Variants in CATSPERT observed in about 807,000 individuals in gnomAD.
CATSPERT encodes catsper channel auxiliary subunit tau.
chr2:201,608,808 T>A, the CATSPERT span, among the ~76,000 whole-genome samples: 2 of 130,356 alleles, frequency 1.5e-5, no homozygotes, highest in African/African-American at 2.9e-5. Flanking sequence ...CAGAGTAAGA[T>A]CCTGTCTCAA....
chr2:201,487,491 C>T, the CATSPERT span: 1 of 950,750 alleles, frequency 1.1e-6, no homozygotes, highest in Non-Finnish European at 1.5e-6. Flanking sequence ...TGACTTCTGT[C>T]ACACAAAAGA....
chr2:201,535,347 G>A, the CATSPERT span: 1 of 980,128 alleles, frequency 1.0e-6, no homozygotes, highest in Non-Finnish European at 1.2e-6. Flanking sequence ...TGAACTACCT[G>A]TAATAGTTAT....
chr2:201,613,703 T>A, the CATSPERT span, among the ~76,000 whole-genome samples: 1 of 152,168 alleles, frequency 6.6e-6, no homozygotes, highest in Non-Finnish European at 1.5e-5. Flanking sequence ...GGACAGAGAA[T>A]GAATTTGACG....
the CATSPERT span, chr2:201,619,123 G>A: frequency 6.2e-7 from 1 of 1,614,160 alleles, no homozygotes; most frequent in Non-Finnish European, 8.5e-7. Context: ...CTCTTGGGGT[G>A]GCTCCATCTC....
At chr2:201,494,553 A>G in the CATSPERT span, 6 of 1,536,942 alleles carry the variant, frequency 3.9e-6, no homozygotes, top group East Asian at 1.5e-4. Flanking sequence ...TTGTGAAGAT[A>G]TTAGGGTCAT....
the CATSPERT span, among the ~76,000 whole-genome samples, chr2:201,589,267 T>C: frequency 6.6e-6 from 1 of 152,108 alleles, no homozygotes; most frequent in Non-Finnish European, 1.5e-5. Context: ...TTAAAATTCA[T>C]ATAGAACCAA....
chr2:201,550,119 T>C, the CATSPERT span: 1 of 152,208 alleles, frequency 6.6e-6, no homozygotes, highest in Non-Finnish European at 1.5e-5. Flanking sequence ...CCATAAGCTG[T>C]TCCATCATTA....
the CATSPERT span, chr2:201,511,622 C>T: frequency 1.3e-5 from 2 of 151,702 alleles, no homozygotes; most frequent in Non-Finnish European, 2.9e-5. Context: ...GATTTAGGGT[C>T]CAGTCACTGT....
the CATSPERT span, chr2:201,494,700 T>A: frequency 6.5e-7 from 1 of 1,533,706 alleles, no homozygotes. Context: ...TTTTTCTGAC[T>A]GACATTTTGT....
At chr2:201,598,160 G>C in the CATSPERT span, among the ~76,000 whole-genome samples, 1 of 152,158 alleles carries the variant, frequency 6.6e-6, no homozygotes, top group Non-Finnish European at 1.5e-5. Flanking sequence ...GGAGTGCAGT[G>C]ATAGGATCAT....
chr2:201,530,579 TA>T, the CATSPERT span, among the ~76,000 whole-genome samples: 108,559 of 152,052 alleles, frequency 0.71, 39,360 homozygotes, highest in East Asian at 0.96. Context: ...GTAAGGGATT[TA>T]AAATTTAATG....
At chr2:201,545,654 GA>G in the CATSPERT span, 2,436 of 495,824 alleles carry the variant, frequency 4.9e-3, 15 homozygotes, top group Non-Finnish European at 5.3e-3. Flanking sequence ...AAAAAAAAAA[GA>G]AAAAAAAATA....
the CATSPERT span, chr2:201,535,786 G>T: frequency 7.3e-7 from 1 of 1,362,540 alleles, no homozygotes; most frequent in South Asian, 2.1e-5. Context: ...TTTTAAAATA[G>T]ATTATTTTGT....
the CATSPERT span, among the ~76,000 whole-genome samples, chr2:201,594,058 A>C: frequency 6.6e-6 from 1 of 152,160 alleles, no homozygotes; most frequent in Non-Finnish European, 1.5e-5. Context: ...TAGTTGATGC[A>C]GTTTCTTCCT....
the CATSPERT span, among the ~76,000 whole-genome samples, chr2:201,515,417 T>C: frequency 6.6e-6 from 1 of 151,588 alleles, no homozygotes; most frequent in Non-Finnish European, 1.5e-5. Context: ...GTATTTTTAG[T>C]AGAGACACAG....
chr2:201,495,826 G>T, the CATSPERT span: 1 of 1,024,318 alleles, frequency 9.8e-7, no homozygotes, highest in Non-Finnish European at 1.4e-6. Flanking sequence ...TAGAACTATT[G>T]AATTAAAGTA....
At chr2:201,609,080 A>T in the CATSPERT span, among the ~76,000 whole-genome samples, 1 of 152,126 alleles carries the variant, frequency 6.6e-6, no homozygotes, top group East Asian at 1.9e-4. Flanking sequence ...GTAAAGAGAC[A>T]ATTTAAAAAA....
chr2:201,561,943 T>C, the CATSPERT span, among the ~76,000 whole-genome samples: 1 of 152,034 alleles, frequency 6.6e-6, no homozygotes, highest in Non-Finnish European at 1.5e-5. Flanking sequence ...CTACTTTTCT[T>C]ATAATAAAAT....
the CATSPERT span, chr2:201,555,284 GTGGA>G: frequency 6.6e-6 from 1 of 152,254 alleles, no homozygotes; most frequent in African/African-American, 2.4e-5. Flanking sequence ...GGAAGCCGAA[GTGGA>G]TGGATCACTT....
Sources: gnomAD v4.1 joint callset for allele counts (sites outside exome capture counted in the v4.1 genomes callset) on GRCh38, gnomAD v4.1.1 for gene constraint, MANE v1.5 for transcripts, NCBI Gene and HGNC (gene_info 2026-07-23, HGNC 2026-07-21) for gene names.